HEMK2: variants seen among roughly 807,000 people sequenced by gnomAD.
HEMK2 encodes methyltransferase HEMK2.
the HEMK2 span, among the ~76,000 whole-genome samples, chr21:28,837,287 T>C: frequency 3.3e-5 from 5 of 152,142 alleles, no homozygotes; most frequent in Admixed American, 6.5e-5. Context: ...ACAGACCATA[T>C]AATAGGTCAT....
the HEMK2 span, among the ~76,000 whole-genome samples, chr21:28,716,758 T>G: frequency 6.6e-6 from 1 of 152,208 alleles, no homozygotes; most frequent in African/African-American, 2.4e-5. Context: ...CATAGACAAC[T>G]CTTATTGTTT....
At chr21:28,753,518 CAGA>C in the HEMK2 span, among the ~76,000 whole-genome samples, 40 of 152,202 alleles carry the variant, frequency 2.6e-4, no homozygotes, top group African/African-American at 9.6e-4. Flanking sequence ...ATTATGGGAG[CAGA>C]AGGATTGACA....
the HEMK2 span, among the ~76,000 whole-genome samples, chr21:28,767,375 A>T: frequency 2.5e-3 from 365 of 147,288 alleles, 2 homozygotes; most frequent in African/African-American, 8.8e-3. Context: ...ACTGAAATTT[A>T]AAAAAAAAAT....
chr21:28,810,112 G>T, the HEMK2 span, among the ~76,000 whole-genome samples: 1 of 152,116 alleles, frequency 6.6e-6, no homozygotes, highest in Non-Finnish European at 1.5e-5. Context: ...CCAGAAATGT[G>T]CTTCTCTCCA....
the HEMK2 span, among the ~76,000 whole-genome samples, chr21:28,694,033 C>T: frequency 2.0e-5 from 3 of 152,000 alleles, no homozygotes; most frequent in African/African-American, 7.3e-5. Flanking sequence ...AAATGATTAC[C>T]AAATATATCT....
the HEMK2 span, chr21:28,885,270 C>A: frequency 6.3e-7 from 1 of 1,594,238 alleles, no homozygotes; most frequent in Non-Finnish European, 8.6e-7. Flanking sequence ...GTGTCCTCCG[C>A]GGGCTCGTAC....
the HEMK2 span, among the ~76,000 whole-genome samples, chr21:28,710,515 G>A: frequency 7.0e-3 from 1,059 of 152,236 alleles, 11 homozygotes; most frequent in African/African-American, 0.024. Context: ...ATATGTGTGT[G>A]GACCACAAAT....
the HEMK2 span, chr21:28,671,059 T>C: frequency 6.6e-6 from 1 of 152,180 alleles, no homozygotes. Context: ...CTCTGGGCTT[T>C]TGGGCTTAAT....
chr21:28,754,972 T>G, the HEMK2 span, among the ~76,000 whole-genome samples: 1 of 152,010 alleles, frequency 6.6e-6, no homozygotes, highest in East Asian at 1.9e-4. Flanking sequence ...TGCTAAGAAC[T>G]GGCAAAGGCT....
the HEMK2 span, among the ~76,000 whole-genome samples, chr21:28,650,293 G>T: frequency 1.3e-5 from 2 of 152,084 alleles, no homozygotes; most frequent in Non-Finnish European, 2.9e-5. Context: ...TACCTGGGAG[G>T]CTGAGGCAGG....
the HEMK2 span, among the ~76,000 whole-genome samples, chr21:28,740,069 T>C: frequency 1.3e-5 from 2 of 152,232 alleles, no homozygotes; most frequent in East Asian, 3.8e-4. Flanking sequence ...AGAGTTCCCT[T>C]GATATGCGTT....
At chr21:28,718,520 T>G in the HEMK2 span, among the ~76,000 whole-genome samples, 2 of 152,214 alleles carry the variant, frequency 1.3e-5, no homozygotes, top group Non-Finnish European at 2.9e-5. Context: ...GTCAGTGGGA[T>G]GTTGAAGTCT....
At chr21:28,756,207 C>G in the HEMK2 span, among the ~76,000 whole-genome samples, 2 of 152,124 alleles carry the variant, frequency 1.3e-5, no homozygotes, top group East Asian at 1.9e-4. Context: ...ATCTGTCTAC[C>G]CTGGGGCCAC....
chr21:28,700,068 T>C, the HEMK2 span, among the ~76,000 whole-genome samples: 2 of 152,158 alleles, frequency 1.3e-5, no homozygotes, highest in African/African-American at 4.8e-5. Flanking sequence ...AACACAGTGT[T>C]TGAGACTTAA....
the HEMK2 span, among the ~76,000 whole-genome samples, chr21:28,624,757 C>T: frequency 1.3e-5 from 2 of 152,116 alleles, no homozygotes; most frequent in South Asian, 4.2e-4. Flanking sequence ...TAATCAGGAA[C>T]CCAAGGCAGA....
chr21:28,722,740 C>T, the HEMK2 span, among the ~76,000 whole-genome samples: 8 of 152,036 alleles, frequency 5.3e-5, no homozygotes, highest in South Asian at 2.1e-4. Context: ...AAAAATTAGC[C>T]GGGCATGGTG....
chr21:28,619,066 A>G, the HEMK2 span, among the ~76,000 whole-genome samples: 4 of 152,176 alleles, frequency 2.6e-5, no homozygotes, highest in African/African-American at 9.6e-5. Flanking sequence ...AAGTTTAGAC[A>G]CTGACATGTA....
At chr21:28,601,054 T>C in the HEMK2 span, among the ~76,000 whole-genome samples, 2 of 152,242 alleles carry the variant, frequency 1.3e-5, no homozygotes, top group African/African-American at 2.4e-5. Context: ...TCTTCTAACA[T>C]ATTATGTCAA....
At chr21:28,785,175 C>T in the HEMK2 span, among the ~76,000 whole-genome samples, 12 of 152,166 alleles carry the variant, frequency 7.9e-5, no homozygotes, top group African/African-American at 1.9e-4. Flanking sequence ...GAACAAACTC[C>T]GGACACACCA....
Sources: gnomAD v4.1 joint callset for allele counts (sites outside exome capture counted in the v4.1 genomes callset) on GRCh38, gnomAD v4.1.1 for gene constraint, MANE v1.5 for transcripts, NCBI Gene and HGNC (gene_info 2026-07-23, HGNC 2026-07-21) for gene names.